MALT1: variants seen among roughly 807,000 people sequenced by gnomAD.
The protein encoded by MALT1 is mucosa-associated lymphoid tissue lymphoma translocation protein 1.
MALT1 carries 36 observed loss-of-function variants against 85.5 expected under a neutral mutation model. The ratio of observed to expected loss-of-function variants is 0.42; its 90% CI spans 0.32 to 0.56. MALT1 has a LOEUF of 0.56. MALT1 is among the 20% of genes least tolerant of loss of function. MALT1 has a pLI of 0.10. For missense variants in MALT1, 716 were observed against 981.6 expected, an observed-to-expected ratio of 0.73 and a Z score of 3.62; for synonymous variants, 359 against 361.3, an observed-to-expected ratio of 0.99 and a Z score of 0.07.
At chr18:58,689,814 G>A (rs113135939) in intron 2 of MALT1, among the ~76,000 whole-genome samples, 3,981 of 152,274 alleles carry the variant, frequency 0.026, 153 homozygotes, top group African/African-American at 0.089. Flanking sequence ...TGGCGGTTGC[G>A]GGGGATGGCA....
chr18:58,690,331 T>A (rs1253597757), intron 2 of MALT1: 1 of 152,418 alleles, frequency 6.6e-6, no homozygotes, highest in Admixed American at 6.5e-5. Context: ...GTTGGTGGTC[T>A]TAAGACCAGA....
At position 58,748,143 on chromosome 18, in the gene MALT1, T is replaced by C; in HGVS notation, c.*301T>C. 1 of 344,600 alleles carries C rather than the reference T, an allele frequency of 2.9e-6. No homozygotes were observed. The allele number at this position is 344,600 out of a possible 1,614,324, so 21.3% of individuals were successfully genotyped here. ...TGTGACCACTCTGAAGTAAGAGCAATGGGAATGGCATTATTGTAGAATAAG... is the reference window on the plus strand; with the variant it reads ...TGTGACCACTCTGAAGTAAGAGCAACGGGAATGGCATTATTGTAGAATAAG... On this transcript the variant is annotated 3_prime_UTR_variant, in exon 17 of 17. Coordinates refer to ENST00000649217, the MANE Select transcript of MALT1 (RefSeq NM_006785.4).
chr18:58,681,467 T>C, intron 2 of MALT1, 131 bp downstream of exon 2: 1 of 782,762 alleles, frequency 1.3e-6, no homozygotes, highest in Non-Finnish European at 1.9e-6. Context: ...TTGTTTGCTT[T>C]CCCAGGTTGA....
intron 10 of MALT1, among the ~76,000 whole-genome samples, chr18:58,726,496 C>T (rs2055056426): frequency 6.6e-6 from 1 of 152,120 alleles, no homozygotes; most frequent in African/African-American, 2.4e-5. Flanking sequence ...TCAGCATGAA[C>T]AGCTAGATAC....
intron 2 of MALT1, chr18:58,691,278 C>T: frequency 1.9e-6 from 1 of 525,026 alleles, no homozygotes; most frequent in South Asian, 1.6e-5. Flanking sequence ...CCTGCACTTC[C>T]TGGAGAAAGC....
Position 58,743,560 on chromosome 18 carries a change from C to T in MALT1, c.1754-778C>T, listed in dbSNP as rs559450790. On this transcript the variant is annotated intron_variant, in intron 14 of 16. Transcript: ENST00000649217. ...TACGGTGGTAAAGATCAACAATAAA[C>T]GAAACTTCATAAAACAAAATGAAAA... is the stretch of plus-strand genomic sequence containing the variant. 7.9e-5 allele frequency among the ~76,000 whole-genome samples: 12 copies of T among 151,850 alleles called. No homozygotes were observed. In the South Asian group the frequency reaches 1.0e-3, roughly 13 times the overall value.
At chr18:58,743,274 G>A (rs1480096432) in intron 14 of MALT1, among the ~76,000 whole-genome samples, 1 of 152,170 alleles carries the variant, frequency 6.6e-6, no homozygotes, top group African/African-American at 2.4e-5. Flanking sequence ...TACTCTGGAG[G>A]CTGAGCCAGG....
intron 13 of MALT1, among the ~76,000 whole-genome samples, chr18:58,740,506 CT>C (rs143919770): frequency 0.17 from 25,296 of 151,136 alleles, 2,699 homozygotes; most frequent in East Asian, 0.3. Context: ...TTTTAGTTGA[CT>C]TTTTTTTTCT....
rs986322507 is a variant in MALT1, at chr18:58,671,578, C to T, written c.-66C>T. On this transcript the variant is annotated 5_prime_UTR_variant, in exon 1 of 17. Transcript: ENST00000649217. ...CGGCTCGGAGGCGAGCGGAAGGTGC[C>T]CCGGGGCCGAGGCCCGTGACGGGGC... is the stretch of plus-strand genomic sequence containing the variant. 8 of 1,092,130 alleles carry T rather than the reference C, an allele frequency of 7.3e-6. No homozygotes were observed. Among genetic ancestry groups the T allele is most frequent in the African/African-American group, 3.3e-5 (2 of 61,078 alleles). The allele number at this position is 1,092,130 out of a possible 1,614,324, so 67.7% of individuals were successfully genotyped here. A position where few individuals can be genotyped will look rare whatever the true frequency, so the allele number is the denominator to read the frequency against.
At chr18:58,739,014 A>C (rs1384766527) in intron 13 of MALT1, among the ~76,000 whole-genome samples, 1 of 152,156 alleles carries the variant, frequency 6.6e-6, no homozygotes, top group Non-Finnish European at 1.5e-5. Context: ...AAGTTCTCTT[A>C]ATTTTTTTGA....
chr18:58,674,937 C>G (rs1317502122), intron 1 of MALT1, among the ~76,000 whole-genome samples: 1 of 152,074 alleles, frequency 6.6e-6, no homozygotes, highest in Non-Finnish European at 1.5e-5. Context: ...ATAAGTAAAC[C>G]ACAAGAAAAG....
At chr18:58,733,337 GTA>G in intron 10 of MALT1, 58 bp from the exon 11 acceptor site, 1 of 1,116,294 alleles carries the variant, frequency 9.0e-7, no homozygotes, top group Middle Eastern at 2.2e-4. Flanking sequence ...TATGCAGTCT[GTA>G]TGTTCAGAGT....
chr18:58,732,380 G>A (rs187550130), intron 10 of MALT1, among the ~76,000 whole-genome samples: 3,797 of 151,162 alleles, frequency 0.025, 94 homozygotes, highest in Non-Finnish European at 0.033. Context: ...TCTCAGTAAG[G>A]AAATATGATT....
chr18:58,728,544 G>A (rs1233630475), intron 10 of MALT1, among the ~76,000 whole-genome samples: 1 of 152,174 alleles, frequency 6.6e-6, no homozygotes, highest in East Asian at 1.9e-4. Context: ...GGTCGAAGCT[G>A]CAGTGAGCTG....
At chr18:58,715,045 C>T (rs1239845858) in intron 8 of MALT1, among the ~76,000 whole-genome samples, 1 of 152,140 alleles carries the variant, frequency 6.6e-6, no homozygotes, top group Non-Finnish European at 1.5e-5. Context: ...GTGCGTCATT[C>T]TCCTTGCTGT....
chr18:58,686,213 G>A (rs754891751), intron 2 of MALT1, among the ~76,000 whole-genome samples: 17 of 152,102 alleles, frequency 1.1e-4, no homozygotes, highest in Admixed American at 4.6e-4. Context: ...TTTTAGTAGC[G>A]ACGAGGTTTC....
chr18:58,727,410 TCTC>T (rs1181535540), intron 10 of MALT1, among the ~76,000 whole-genome samples: 10 of 152,274 alleles, frequency 6.6e-5, no homozygotes, highest in Non-Finnish European at 1.0e-4. Context: ...TTCAAGCAGT[TCTC>T]CTGCCTGAGC....
At position 58,748,602 on chromosome 18, in the gene MALT1, T is replaced by C. The variant is rs2055405627; in HGVS notation, c.*760T>C. 1.6e-5 allele frequency: 3 copies of C among 189,246 alleles called. No homozygotes were observed. The highest frequency in any genetic ancestry group is 2.3e-5 in the African/African-American group (1 of 43,010). 11.7% of individuals were successfully genotyped at this position (189,246 alleles called of 1,614,324 possible). On this transcript the variant is annotated 3_prime_UTR_variant, in exon 17 of 17. Transcript: ENST00000649217. ...GCTAGATAGAGGTTAAGAATCAAGA[T>C]ATAATGGATAATTTTCATAGCTGCC...
At chr18:58,674,068 C>A (rs1490262412) in intron 1 of MALT1, 1 of 151,964 alleles carries the variant, frequency 6.6e-6, no homozygotes, top group East Asian at 1.9e-4. Flanking sequence ...AACGAGTACT[C>A]TGGTTAGGGA....
Sources: gnomAD v4.1 joint callset for allele counts (sites outside exome capture counted in the v4.1 genomes callset) on GRCh38, gnomAD v4.1.1 for gene constraint, MANE v1.5 for transcripts, NCBI Gene and HGNC (gene_info 2026-07-23, HGNC 2026-07-21) for gene names.